ZBTB20: variants seen among roughly 807,000 people sequenced by gnomAD.
ZBTB20 encodes zinc finger and BTB domain-containing protein 20.
ZBTB20 carries 9 observed loss-of-function variants against 56.9 expected under a neutral mutation model. The observed-to-expected ratio is 0.16, with a 90% CI of 0.10 to 0.28. The LOEUF (loss-of-function observed/expected upper bound fraction) is 0.28, where lower values mean the gene tolerates loss of function less well. Among genes scored for constraint, ZBTB20 ranks in the 10% least tolerant of loss-of-function variants. The pLI is 1.00. For missense variants in ZBTB20, 655 were observed against 1,003.0 expected, an observed-to-expected ratio of 0.65 and a Z score of 4.69; for synonymous variants, 417 against 420.7, an observed-to-expected ratio of 0.99 and a Z score of 0.11.
At chr3:114,601,369 T>A (rs770535402) in intron 6 of ZBTB20, among the ~76,000 whole-genome samples, 9 of 152,036 alleles carry the variant, frequency 5.9e-5, no homozygotes, top group Admixed American at 2.0e-4. Context: ...CAAGGTGCAT[T>A]TACATTATAT....
intron 3 of ZBTB20, among the ~76,000 whole-genome samples, chr3:114,945,333 C>CA: frequency 6.9e-6 from 1 of 143,902 alleles, no homozygotes; most frequent in East Asian, 1.9e-4. Flanking sequence ...TAGAGAAATG[C>CA]AAAAAATAAA....
At chr3:114,358,220 T>C (rs906518991) in intron 10 of ZBTB20, among the ~76,000 whole-genome samples, 1 of 152,206 alleles carries the variant, frequency 6.6e-6, no homozygotes, top group Non-Finnish European at 1.5e-5. Context: ...GCACTTGTAA[T>C]GGGGAGACTG....
Position 114,351,181 on chromosome 3 carries a change from C to A in ZBTB20, c.897G>T (p.Glu299Asp). 1 of 1,602,538 alleles carries A rather than the reference C, an allele frequency of 6.2e-7. No individual in the cohort carries two copies. The highest frequency in any genetic ancestry group is 8.5e-7 in the Non-Finnish European group (1 of 1,179,786). The change falls in exon 11 of 12, where the codon GAG becomes GAT. Residue 299 changes from glutamate to aspartate, a missense_variant. By Grantham distance (45) the Glu-to-Asp change is conservative (BLOSUM62 2). Transcript: ENST00000675478. ...TRIHERSQQM[E>D]RYLSTTPETT... The stretch of plus-strand genomic sequence containing the variant: ...TCTCGGGGGTGGTGGACAGGTAGCG[C>A]TCCATCTGCTGCGAGCGCTCATGGA...
intron 4 of ZBTB20, among the ~76,000 whole-genome samples, chr3:114,805,009 T>C (rs1163940280): frequency 6.6e-6 from 1 of 151,946 alleles, no homozygotes; most frequent in Non-Finnish European, 1.5e-5. Flanking sequence ...ACGATAATTA[T>C]CCTTTAATCT....
At chr3:114,762,568 T>C (rs943316246) in intron 5 of ZBTB20, among the ~76,000 whole-genome samples, 20 of 152,118 alleles carry the variant, frequency 1.3e-4, no homozygotes, top group African/African-American at 4.3e-4. Context: ...GTAAGTAAAG[T>C]TTCTGATTTG....
intron 5 of ZBTB20, among the ~76,000 whole-genome samples, chr3:114,773,925 A>G (rs1297391735): frequency 1.3e-5 from 2 of 152,158 alleles, no homozygotes; most frequent in East Asian, 3.9e-4. Context: ...TATCTTCCAA[A>G]ATGAATTTTC....
At chr3:114,882,223 C>A (rs1292854097) in intron 4 of ZBTB20, among the ~76,000 whole-genome samples, 1 of 151,882 alleles carries the variant, frequency 6.6e-6, no homozygotes, top group African/African-American at 2.4e-5. Context: ...AATCTAACTC[C>A]TGAGTAAAGA....
chr3:115,033,484 G>A (rs1307186720), intron 2 of ZBTB20, among the ~76,000 whole-genome samples: 1 of 151,268 alleles, frequency 6.6e-6, no homozygotes, highest in African/African-American at 2.4e-5. Context: ...ACAAAAAATT[G>A]AGCTACCACA....
chr3:114,992,116 C>G (rs2078842064), intron 2 of ZBTB20, among the ~76,000 whole-genome samples: 1 of 151,974 alleles, frequency 6.6e-6, no homozygotes, highest in East Asian at 1.9e-4. Flanking sequence ...ACTAGACATA[C>G]CCACTCTCTC....
intron 2 of ZBTB20, among the ~76,000 whole-genome samples, chr3:115,041,595 T>C (rs2081144802): frequency 6.6e-6 from 1 of 152,156 alleles, no homozygotes; most frequent in Non-Finnish European, 1.5e-5. Flanking sequence ...TTGGAAGAAT[T>C]TACATGTCAA....
At chr3:115,103,081 C>G (rs1314306521) in intron 1 of ZBTB20, 1 of 151,998 alleles carries the variant, frequency 6.6e-6, no homozygotes, top group Non-Finnish European at 1.5e-5. Flanking sequence ...ATTGTTAGTA[C>G]TTACTGGAAT....
chr3:115,101,444 T>C (rs1393559220), intron 1 of ZBTB20, among the ~76,000 whole-genome samples: 1 of 152,168 alleles, frequency 6.6e-6, no homozygotes, highest in East Asian at 1.9e-4. Context: ...CTAGGTGCCC[T>C]TTCTCCTGTA....
chr3:114,566,333 C>T (rs531970962), intron 6 of ZBTB20, among the ~76,000 whole-genome samples: 3 of 152,104 alleles, frequency 2.0e-5, no homozygotes, highest in South Asian at 2.1e-4. Context: ...GGTCACACAG[C>T]GAGGATAACA....
chr3:115,039,587 T>C (rs2081061489), intron 2 of ZBTB20, among the ~76,000 whole-genome samples: 1 of 152,016 alleles, frequency 6.6e-6, no homozygotes, highest in Non-Finnish European at 1.5e-5. Context: ...TTCTCAAAGC[T>C]CAGAATTAAA....
intron 11 of ZBTB20, among the ~76,000 whole-genome samples, chr3:114,346,723 T>TCCACCCC (rs1157996773): frequency 0.014 from 2,082 of 151,496 alleles, 48 homozygotes; most frequent in African/African-American, 0.048. Flanking sequence ...TCCTGCTATG[T>TCCACCCC]TGCCCGGGGT....
intron 5 of ZBTB20, among the ~76,000 whole-genome samples, chr3:114,748,663 T>C (rs1921497): frequency 0.97 from 148,031 of 152,162 alleles, 72,162 homozygotes; most frequent in East Asian, 1. Context: ...TGGGCACTTC[T>C]GTAGAAAATG....
At chr3:114,911,308 A>G (rs2075527976) in intron 3 of ZBTB20, among the ~76,000 whole-genome samples, 1 of 151,904 alleles carries the variant, frequency 6.6e-6, no homozygotes, top group Non-Finnish European at 1.5e-5. Flanking sequence ...AAACATCGAC[A>G]AAGGGGCCTG....
At chr3:115,108,356 G>A (rs2083782507) in intron 1 of ZBTB20, among the ~76,000 whole-genome samples, 1 of 152,168 alleles carries the variant, frequency 6.6e-6, no homozygotes, top group Admixed American at 6.5e-5. Context: ...AGCTGCTGGA[G>A]TCAGAGAGTG....
At chr3:114,552,754 TGTTGGATTAAGAGGC>T (rs2050734942) in intron 6 of ZBTB20, among the ~76,000 whole-genome samples, 2 of 152,180 alleles carry the variant, frequency 1.3e-5, no homozygotes, top group African/African-American at 2.4e-5. Flanking sequence ...AACTCTCTTA[TGTTGGATTAAGAGGC>T]TTTTAAGAGG....
Sources: allele counts gnomAD v4.1 joint callset (sites outside exome capture counted in the v4.1 genomes callset), GRCh38; gene constraint gnomAD v4.1.1; transcripts MANE v1.5; gene names NCBI Gene and HGNC (gene_info 2026-07-23, HGNC 2026-07-21).